Variants in FREM1 observed in about 807,000 individuals in gnomAD.
FREM1 encodes the protein FRAS1 related extracellular matrix 1, also known as FRAS1-related extracellular matrix protein 1.
FREM1 carries 220 observed loss-of-function variants against 210.1 expected under a neutral mutation model. The observed-to-expected ratio is 1.05, with a 90% CI of 0.94 to 1.17. The LOEUF (loss-of-function observed/expected upper bound fraction) is 1.17, where lower values mean the gene tolerates loss of function less well. Ranked by LOEUF, FREM1 falls within the 50% of genes most tolerant of loss-of-function variation. The pLI is 0.00. For missense variants in FREM1, 3,454 were observed against 2,675.5 expected (o/e 1.29, Z -6.42); for synonymous variants, 1,189 against 980.2 (o/e 1.21, Z -3.98).
chr9:14,829,505 T>C (rs1414036650), intron 10 of FREM1, among the ~76,000 whole-genome samples: 1 of 152,122 alleles, frequency 6.6e-6, no homozygotes, highest in African/African-American at 2.4e-5. Flanking sequence ...CAATGGTGTT[T>C]AGGTCATGAG....
At chr9:14,747,879 T>C (rs1842748195) in intron 31 of FREM1, among the ~76,000 whole-genome samples, 151 bp from the exon 32 acceptor site, 1 of 152,222 alleles carries the variant, frequency 6.6e-6, no homozygotes, top group Non-Finnish European at 1.5e-5. Flanking sequence ...CATTGGAATT[T>C]CAAAAATCAC....
rs1563822713 is a variant in FREM1 at position 14,747,712 on chromosome 9, A to G, written c.5813T>C (p.Val1938Ala). Residue 1938 changes from valine to alanine, a missense_variant, in exon 32 of 37, where the codon GTT (valine) becomes GCT (alanine). Val to Ala is a moderately conservative substitution (Grantham distance 64). Coordinates refer to ENST00000380880, the MANE Select transcript of FREM1 (RefSeq NM_001379081.2). ...GNGKTVRPSS[V>A]YRNGTDIIYN... Reference sequence around the variant, plus strand: ...GATGATGTCTGTTCCATTTCTATAAACAGAGGATGGACGAACCTGAAATTG... The same window carrying G: ...GATGATGTCTGTTCCATTTCTATAAGCAGAGGATGGACGAACCTGAAATTG... 5 of 1,543,528 alleles carry G rather than the reference A, an allele frequency of 3.2e-6. No individual in the cohort carries two copies. The highest frequency in any genetic ancestry group is 4.4e-6 in the Non-Finnish European group (5 of 1,141,630).
At chr9:14,881,118 G>T (rs999132802) in intron 1 of FREM1, among the ~76,000 whole-genome samples, 2 of 152,218 alleles carry the variant, frequency 1.3e-5, no homozygotes, top group Admixed American at 1.3e-4. Flanking sequence ...GCAGGCATAT[G>T]TATGTTGTCC....
At chr9:14,801,549 C>T in intron 20 of FREM1, 103 bp downstream of exon 20, 1 of 786,172 alleles carries the variant, frequency 1.3e-6, no homozygotes, top group Non-Finnish European at 2.1e-6. Flanking sequence ...CATCATTCTA[C>T]TCTCTGCTTA....
chr9:14,761,173 G>A (rs1365381310), intron 27 of FREM1, among the ~76,000 whole-genome samples: 1 of 152,042 alleles, frequency 6.6e-6, no homozygotes, highest in Admixed American at 6.5e-5. Context: ...ATTCATATTA[G>A]GGAGGAAGTT....
intron 1 of FREM1, among the ~76,000 whole-genome samples, chr9:14,895,220 T>A (rs1333167987): frequency 1.2e-4 from 19 of 152,190 alleles, no homozygotes; most frequent in Non-Finnish European, 2.6e-4. Flanking sequence ...ATGTGAAAAA[T>A]AATTATTCCT....
At chr9:14,892,550 C>T (rs7033681) in intron 1 of FREM1, among the ~76,000 whole-genome samples, 10,201 of 152,118 alleles carry the variant, frequency 0.067, 1,154 homozygotes, top group African/African-American at 0.23. Flanking sequence ...CAGCTAAGAA[C>T]GGGTTTGGCA....
At chr9:14,796,790 C>G (rs1377946166) in intron 21 of FREM1, among the ~76,000 whole-genome samples, 1 of 152,178 alleles carries the variant, frequency 6.6e-6, no homozygotes, top group Non-Finnish European at 1.5e-5. Context: ...TTGTAAGTTT[C>G]CTGAGTCCTC....
chr9:14,861,276 T>G (rs201794363), intron 3 of FREM1, among the ~76,000 whole-genome samples: 1 of 90,050 alleles, frequency 1.1e-5, no homozygotes, highest in African/African-American at 7.1e-5. Context: ...TACACATATA[T>G]ACATATATAC....
At chr9:14,874,238 C>T (rs934113835) in intron 1 of FREM1, among the ~76,000 whole-genome samples, 20 of 152,058 alleles carry the variant, frequency 1.3e-4, no homozygotes, top group Non-Finnish European at 1.8e-4. Flanking sequence ...ACTTTTGTCT[C>T]GTTGATCTGT....
intron 24 of FREM1, among the ~76,000 whole-genome samples, chr9:14,778,046 A>G (rs1437644238): frequency 6.6e-6 from 1 of 152,224 alleles, no homozygotes; most frequent in East Asian, 1.9e-4. Flanking sequence ...GTGAAATACA[A>G]CAAATAAAGT....
At chr9:14,829,936 G>C (rs1823231746) in intron 10 of FREM1, among the ~76,000 whole-genome samples, 1 of 152,146 alleles carries the variant, frequency 6.6e-6, no homozygotes, top group Non-Finnish European at 1.5e-5. Context: ...GAGAGGACCA[G>C]AAAACGAGGA....
intron 1 of FREM1, among the ~76,000 whole-genome samples, chr9:14,896,895 G>A (rs934121324): frequency 1.3e-5 from 2 of 152,220 alleles, no homozygotes; most frequent in African/African-American, 4.8e-5. Context: ...TGCTCCTCAA[G>A]CTGTGAGGTA....
intron 17 of FREM1, 125 bp from the exon 18 acceptor site, chr9:14,806,971 G>T: frequency 1.9e-6 from 1 of 525,038 alleles, no homozygotes; most frequent in East Asian, 3.1e-5. Context: ...ACATTTCCAT[G>T]GGAGATGTTC....
chr9:14,879,787 T>C (rs560240760), intron 1 of FREM1, among the ~76,000 whole-genome samples: 52 of 152,292 alleles, frequency 3.4e-4, no homozygotes, highest in Non-Finnish European at 5.3e-4. Context: ...TGCATACATG[T>C]AGATGGAGAC....
intron 27 of FREM1, among the ~76,000 whole-genome samples, chr9:14,768,782 T>A (rs1413759008): frequency 6.6e-6 from 1 of 151,942 alleles, no homozygotes; most frequent in Admixed American, 6.6e-5. Flanking sequence ...TGCAGAGGAG[T>A]TTCTCAGCTT....
At chr9:14,897,996 T>G (rs887883084) in intron 1 of FREM1, among the ~76,000 whole-genome samples, 2 of 152,220 alleles carry the variant, frequency 1.3e-5, no homozygotes, top group African/African-American at 4.8e-5. Context: ...TTCATAATTT[T>G]TCTTTCTTAC....
In FREM1 at chr9:14,801,684, A is replaced by T. The variant is rs1284464584; in HGVS notation, c.3662T>A (p.Val1221Asp). Residue 1221 changes from valine (V) to aspartate (D), a missense_variant, in exon 20 of 37, where the codon GTT (valine) becomes GAT (aspartate). Transcript: ENST00000380880. ...PANPHQKHAP[V>D]HSFSMELLKT... is the part of the protein sequence containing the mutation. The stretch of plus-strand genomic sequence containing the variant: ...GAGGAGTTCCATGGAAAAGCTGTGA[A>T]CAGGTGCATGTTTCTGGTGAGGGTT... 1 of 1,613,834 alleles carries T rather than the reference A, an allele frequency of 6.2e-7. No individual in the cohort carries two copies. The highest frequency in any genetic ancestry group is 2.2e-5 in the East Asian group (1 of 44,878).
At chr9:14,781,352 C>A (rs1563914551) in intron 24 of FREM1, among the ~76,000 whole-genome samples, 1 of 152,148 alleles carries the variant, frequency 6.6e-6, no homozygotes, top group South Asian at 2.1e-4. Flanking sequence ...GCTTTTCAGC[C>A]TTTATTGTTT....
Sources: allele counts gnomAD v4.1 joint callset (sites outside exome capture counted in the v4.1 genomes callset), GRCh38; gene constraint gnomAD v4.1.1; transcripts MANE v1.5; gene names NCBI Gene and HGNC (gene_info 2026-07-23, HGNC 2026-07-21).